The following PDE8B variants were observed in gnomAD, a reference collection of about 807,000 sequenced individuals.
PDE8B encodes the protein phosphodiesterase 8B.
In PDE8B, 26 loss-of-function variants were observed where a neutral mutation model predicts 101.3. The ratio of observed to expected loss-of-function variants is 0.26; its 90% CI spans 0.19 to 0.36. The LOEUF is 0.36. PDE8B is among the 10% of genes least tolerant of loss of function. PDE8B has a pLI of 1.00. For missense variants in PDE8B, 810 were observed against 1,163.1 expected (o/e 0.70, Z 4.42); for synonymous variants, 424 against 429.3 (o/e 0.99, Z 0.15).
chr5:77,227,185 A>G (rs1453374470), intron 1 of PDE8B, among the ~76,000 whole-genome samples: 1 of 152,192 alleles, frequency 6.6e-6, no homozygotes, highest in African/African-American at 2.4e-5. Context: ...ATAGATGTAT[A>G]TTCTTTTGTA....
At chr5:77,382,061 C>G (rs1420957951) in intron 10 of PDE8B, among the ~76,000 whole-genome samples, 1 of 152,156 alleles carries the variant, frequency 6.6e-6, no homozygotes, top group Non-Finnish European at 1.5e-5. Flanking sequence ...TTCCAATTTT[C>G]AGCCATCAAT....
At chr5:77,363,142 A>G (rs1193262968) in intron 10 of PDE8B, among the ~76,000 whole-genome samples, 1 of 152,126 alleles carries the variant, frequency 6.6e-6, no homozygotes, top group Non-Finnish European at 1.5e-5. Context: ...AACTCCTGCA[A>G]TCCTTACCAC....
intron 1 of PDE8B, among the ~76,000 whole-genome samples, chr5:77,263,130 A>G (rs1267936032): frequency 6.6e-6 from 1 of 152,234 alleles, no homozygotes; most frequent in Non-Finnish European, 1.5e-5. Context: ...TGGAAAAAGA[A>G]AAATGATCAG....
intron 5 of PDE8B, among the ~76,000 whole-genome samples, chr5:77,332,358 A>G (rs1015465532): frequency 6.6e-6 from 1 of 152,218 alleles, no homozygotes; most frequent in Non-Finnish European, 1.5e-5. Context: ...TTACTTATAC[A>G]GCTTTTGCTG....
At chr5:77,103,927 T>C in the PDE8B span, among the ~76,000 whole-genome samples, 1 of 152,260 alleles carries the variant, frequency 6.6e-6, no homozygotes, top group Non-Finnish European at 1.5e-5. Flanking sequence ...TCCACACTAG[T>C]GTTTTCATTG....
At chr5:77,215,225 A>G (rs1454418669) in intron 1 of PDE8B, among the ~76,000 whole-genome samples, 1 of 152,246 alleles carries the variant, frequency 6.6e-6, no homozygotes, top group Non-Finnish European at 1.5e-5. Context: ...TTGCTTTGCC[A>G]CCACAACAGA....
chr5:77,337,463 A>T (rs1778408784), intron 6 of PDE8B, 148 bp downstream of exon 6: 1 of 683,742 alleles, frequency 1.5e-6, no homozygotes, highest in Non-Finnish European at 2.7e-6. Flanking sequence ...GGCCAACAGC[A>T]GTATCTAAGC....
intron 1 of PDE8B, among the ~76,000 whole-genome samples, chr5:77,298,185 A>C (rs376822874): frequency 6.6e-6 from 1 of 152,216 alleles, no homozygotes; most frequent in Non-Finnish European, 1.5e-5. Flanking sequence ...CATCATAAGG[A>C]AACAGTGCCT....
the PDE8B span, among the ~76,000 whole-genome samples, chr5:77,123,664 G>C: frequency 6.6e-6 from 1 of 152,062 alleles, no homozygotes; most frequent in African/African-American, 2.4e-5. Flanking sequence ...GAGGTTGAGG[G>C]GGAGGATCCC....
At chr5:77,168,930 T>G in the PDE8B span, among the ~76,000 whole-genome samples, 1 of 152,260 alleles carries the variant, frequency 6.6e-6, no homozygotes, top group Non-Finnish European at 1.5e-5. Context: ...TTCCTTGTAC[T>G]CAGTTCAGAA....
the PDE8B span, chr5:77,106,138 G>A: frequency 1.3e-5 from 2 of 151,894 alleles, no homozygotes; most frequent in Non-Finnish European, 2.9e-5. Flanking sequence ...TCTTCCTAAT[G>A]GTGTTTTTCA....
intron 7 of PDE8B, among the ~76,000 whole-genome samples, chr5:77,348,423 T>G (rs1172259788): frequency 6.6e-6 from 1 of 152,006 alleles, no homozygotes; most frequent in African/African-American, 2.4e-5. Context: ...CAGGCAGAAT[T>G]TTGAAAAGAA....
At chr5:77,282,609 C>T (rs1055852849) in intron 1 of PDE8B, among the ~76,000 whole-genome samples, 1 of 152,064 alleles carries the variant, frequency 6.6e-6, no homozygotes. Flanking sequence ...CTAGAGCCTC[C>T]TATCTGCTGC....
the PDE8B span, among the ~76,000 whole-genome samples, chr5:77,174,781 C>G: frequency 3.3e-5 from 5 of 152,278 alleles, no homozygotes; most frequent in East Asian, 7.7e-4. Flanking sequence ...TCCTCCCCAC[C>G]ACCTTAGGTG....
the PDE8B span, among the ~76,000 whole-genome samples, chr5:77,125,675 G>C: frequency 6.6e-6 from 1 of 152,140 alleles, no homozygotes; most frequent in Non-Finnish European, 1.5e-5. Context: ...GATGAACCTT[G>C]AAAACATTAT....
Position 77,211,357 on chromosome 5 carries a change from G to T in PDE8B, c.339+93G>T, listed in dbSNP as rs1748356342. 1 of 1,242,060 alleles carries T rather than the reference G, an allele frequency of 8.1e-7. No homozygotes were observed. The highest frequency in any genetic ancestry group is 1.1e-6 in the Non-Finnish European group (1 of 909,306). The allele number at this position is 1,242,060 out of a possible 1,614,324, so 76.9% of individuals were successfully genotyped here. ...GGGGCTCCGGCGGAGTTGGGTGACC[G>T]TGAGGCGGTTGGTTTGGAGAGGTTG... On this transcript the variant is annotated intron_variant, in intron 1 of 21. Transcript: ENST00000264917. This position sits in a 1 kb window ranked among gnomAD's most constrained non-coding sequence, Gnocchi z 4.1.
At chr5:77,405,272 T>A (rs1029940121) in intron 12 of PDE8B, among the ~76,000 whole-genome samples, 2 of 152,250 alleles carry the variant, frequency 1.3e-5, no homozygotes, top group Non-Finnish European at 2.9e-5. Context: ...AGCAAAACAT[T>A]TTTTGAGTTC....
the PDE8B span, among the ~76,000 whole-genome samples, chr5:77,127,181 C>T: frequency 1.3e-5 from 2 of 152,134 alleles, no homozygotes; most frequent in African/African-American, 4.8e-5. Flanking sequence ...GCTCTGTGTC[C>T]CCACCCAAAT....
chr5:77,252,975 G>A (rs973816625), intron 1 of PDE8B, among the ~76,000 whole-genome samples: 5 of 152,142 alleles, frequency 3.3e-5, no homozygotes, highest in East Asian at 1.9e-4. Flanking sequence ...GCAAAGCATT[G>A]TACTTTCAGA....
Sources: gnomAD v4.1 joint callset for allele counts (sites outside exome capture counted in the v4.1 genomes callset) on GRCh38, gnomAD v4.1.1 for gene constraint, Gnocchi (gnomAD v3.1) non-coding constraint, MANE v1.5 for transcripts, NCBI Gene and HGNC (gene_info 2026-07-23, HGNC 2026-07-21) for gene names.